DLGAP2: variants seen among roughly 807,000 people sequenced by gnomAD.
DLGAP2 encodes DLG associated protein 2.
Under a neutral mutation model 100.3 loss-of-function variants are expected in DLGAP2, and 26 were observed. That is an observed-to-expected ratio of 0.26 (90% CI 0.19 to 0.36). DLGAP2 has a LOEUF of 0.36. DLGAP2 is among the 10% of genes least tolerant of loss of function. The pLI is 1.00. For synonymous variants in DLGAP2, 886 were observed against 630.1 expected (o/e 1.41, Z -6.08); for missense variants, 1,858 against 1,453.2 (o/e 1.28, Z -4.53).
chr8:1,503,514 C>A (rs1799796346), intron 4 of DLGAP2, among the ~76,000 whole-genome samples: 1 of 152,112 alleles, frequency 6.6e-6, no homozygotes, highest in Admixed American at 6.5e-5. Flanking sequence ...GGTTTCCATT[C>A]CTCCGTGGAC....
intron 1 of DLGAP2, among the ~76,000 whole-genome samples, chr8:760,795 T>C (rs1821060202): frequency 6.6e-6 from 1 of 152,154 alleles, no homozygotes; most frequent in African/African-American, 2.4e-5. Flanking sequence ...CTTCCACAGG[T>C]GCTCGGCAGC....
At position 1,228,183 on chromosome 8, in the gene DLGAP2, A is replaced by T. The variant is rs577037228; in HGVS notation, c.74-30668A>T. ...CATGGCACATGTATACATATGTAAC[A>T]AACCTGCACGTTGTGCACATGTACC... On this transcript the variant is annotated intron_variant, in intron 2 of 14. Transcript: ENST00000637795. Among the ~76,000 whole-genome samples, 15 of 94,674 alleles carry T rather than the reference A, an allele frequency of 1.6e-4. 1 individual carries two copies. In the East Asian group the frequency reaches 4.8e-3, roughly 30 times the overall value. 62.1% of individuals were successfully genotyped at this position (94,674 alleles called of 152,430 possible).
intron 2 of DLGAP2, among the ~76,000 whole-genome samples, chr8:1,217,304 C>G (rs573179680): frequency 3.0e-4 from 46 of 152,276 alleles, no homozygotes; most frequent in African/African-American, 1.1e-3. Flanking sequence ...TTTTTTATGG[C>G]TGCACAGTAT....
At chr8:1,168,079 T>A (rs1443106686) in intron 2 of DLGAP2, among the ~76,000 whole-genome samples, 1 of 131,460 alleles carries the variant, frequency 7.6e-6, no homozygotes, top group Non-Finnish European at 1.6e-5. Context: ...CCCCTTCCTG[T>A]GTCCACGTGT....
chr8:1,042,661 C>G (rs1275420227), intron 2 of DLGAP2, among the ~76,000 whole-genome samples: 2 of 152,052 alleles, frequency 1.3e-5, no homozygotes, highest in African/African-American at 4.8e-5. Context: ...CTGGGAAGTC[C>G]TGGGGGCTTG....
chr8:874,357 G>A (rs1469892916), intron 1 of DLGAP2, among the ~76,000 whole-genome samples: 1 of 151,920 alleles, frequency 6.6e-6, no homozygotes, highest in African/African-American at 2.4e-5. Context: ...AATTTCCCTT[G>A]AACCCTGCTT....
At chr8:953,795 G>A (rs941120474) in intron 2 of DLGAP2, among the ~76,000 whole-genome samples, 4 of 151,396 alleles carry the variant, frequency 2.6e-5, no homozygotes, top group East Asian at 1.9e-4. Flanking sequence ...TAAGACAGTC[G>A]TTTCCTTTGC....
intron 1 of DLGAP2, among the ~76,000 whole-genome samples, chr8:743,061 TTTTA>T (rs1820525144): frequency 6.6e-6 from 1 of 152,354 alleles, no homozygotes; most frequent in African/African-American, 2.4e-5. Flanking sequence ...CTCAAAACTG[TTTTA>T]TTTATTATTT....
At chr8:1,045,073 G>A (rs561842116) in intron 2 of DLGAP2, among the ~76,000 whole-genome samples, 1 of 152,176 alleles carries the variant, frequency 6.6e-6, no homozygotes, top group Non-Finnish European at 1.5e-5. Context: ...TCTTCTTTCC[G>A]GAGACAGCTC....
chr8:936,102 G>T (rs1366306611), intron 2 of DLGAP2, among the ~76,000 whole-genome samples: 1 of 152,136 alleles, frequency 6.6e-6, no homozygotes, highest in Non-Finnish European at 1.5e-5. Context: ...GGTGTGTTCT[G>T]ACTGAGTGGA....
intron 3 of DLGAP2, among the ~76,000 whole-genome samples, chr8:1,475,688 C>T (rs58087050): frequency 0.041 from 6,222 of 152,250 alleles, 406 homozygotes; most frequent in African/African-American, 0.14. Context: ...AGACAGAACC[C>T]TCGCGTGGTC....
intron 6 of DLGAP2, chr8:1,619,949 G>A (rs144622215): frequency 6.6e-6 from 1 of 152,236 alleles, no homozygotes; most frequent in East Asian, 1.9e-4. Flanking sequence ...AGCGTTTCCT[G>A]TAGACAGGAA....
chr8:853,177 C>T (rs1797213174), intron 1 of DLGAP2, among the ~76,000 whole-genome samples: 1 of 152,184 alleles, frequency 6.6e-6, no homozygotes, highest in South Asian at 2.1e-4. Flanking sequence ...CAGGGCTCGG[C>T]ACAGCTGCAG....
At chr8:1,383,434 T>A (rs1437176628) in intron 3 of DLGAP2, among the ~76,000 whole-genome samples, 1 of 152,214 alleles carries the variant, frequency 6.6e-6, no homozygotes, top group Non-Finnish European at 1.5e-5. Context: ...TGTCAAATGG[T>A]ACGGTATGTG....
intron 1 of DLGAP2, among the ~76,000 whole-genome samples, chr8:858,176 G>T (rs1797318080): frequency 6.6e-6 from 1 of 152,220 alleles, no homozygotes; most frequent in Non-Finnish European, 1.5e-5. Context: ...GTTTATAGCA[G>T]CTTGGAAACA....
intron 2 of DLGAP2, among the ~76,000 whole-genome samples, chr8:1,122,120 C>T (rs1027919231): frequency 6.6e-6 from 1 of 152,164 alleles, no homozygotes; most frequent in African/African-American, 2.4e-5. Context: ...CAGATGTGGA[C>T]TGGTGTTACT....
intron 2 of DLGAP2, among the ~76,000 whole-genome samples, chr8:1,057,311 A>G (rs1802911793): frequency 6.6e-6 from 1 of 152,250 alleles, no homozygotes; most frequent in South Asian, 2.1e-4. Context: ...ATCTGTATTA[A>G]CAGGTTATTA....
intron 3 of DLGAP2, among the ~76,000 whole-genome samples, chr8:1,461,047 T>C (rs1359668379): frequency 1.3e-5 from 2 of 151,884 alleles, no homozygotes; most frequent in Non-Finnish European, 2.9e-5. Flanking sequence ...GCTGATTCAG[T>C]GGCCAGGAGG....
chr8:1,136,730 C>T (rs1179394049), intron 2 of DLGAP2, among the ~76,000 whole-genome samples: 1 of 152,234 alleles, frequency 6.6e-6, no homozygotes, highest in Admixed American at 6.5e-5. Flanking sequence ...GAAGCCAGCT[C>T]TTGAGGCTGG....
Sources: gnomAD v4.1 joint callset for allele counts (sites outside exome capture counted in the v4.1 genomes callset) on GRCh38, gnomAD v4.1.1 for gene constraint, MANE v1.5 for transcripts, NCBI Gene and HGNC (gene_info 2026-07-23, HGNC 2026-07-21) for gene names.